Variants in MYT1L observed in about 807,000 individuals in gnomAD.
MYT1L encodes myelin transcription factor 1-like protein.
MYT1L carries 12 observed loss-of-function variants against 126.7 expected under a neutral mutation model. The observed-to-expected ratio is 0.09, with a 90% confidence interval of 0.06 to 0.15. The LOEUF (loss-of-function observed/expected upper bound fraction) is 0.15. Among genes scored for constraint, MYT1L ranks in the 10% least tolerant of loss-of-function variants. The pLI is 1.00. For synonymous variants in MYT1L, 541 were observed against 604.2 expected (o/e 0.90, Z 1.53); for missense variants, 979 against 1,585.2 (o/e 0.62, Z 6.49).
intron 1 of MYT1L, among the ~76,000 whole-genome samples, chr2:2,304,685 CAAAT>C (rs1011200233): frequency 3.9e-5 from 6 of 152,334 alleles, no homozygotes; most frequent in Admixed American, 3.9e-4. Flanking sequence ...AGGCAACACA[CAAAT>C]GAATGGCCAT....
At chr2:1,981,217 T>C (rs774079119) in intron 5 of MYT1L, among the ~76,000 whole-genome samples, 1 of 152,202 alleles carries the variant, frequency 6.6e-6, no homozygotes, top group Non-Finnish European at 1.5e-5. Flanking sequence ...ATGAGTATTA[T>C]GGTATCGGGG....
chr2:1,912,052 C>G lies in MYT1L; in HGVS notation c.1677G>C (p.Gly559=). 2 of 1,598,918 alleles carry G rather than the reference C, an allele frequency of 1.3e-6. No individual in the cohort carries two copies. Among genetic ancestry groups the G allele is most frequent in the Non-Finnish European group, 1.7e-6 (2 of 1,169,906 alleles). The change falls in exon 12 of 25, where the codon GGG becomes GGC. Residue 559 remains glycine (G), a synonymous_variant. Transcript: ENST00000647738. This position sits in a 1 kb window ranked among gnomAD's most constrained non-coding sequence, Gnocchi z 4.3. ...GGGAGTTCCTGTTGCTGTTGACATG[C>G]CCGCGCCCCGTGCAGCCCGGAGTGG... ...KCPTPGCTGR[G]HVNSNRNSHR...
rs71276816 is a variant in MYT1L at position 1,934,307 on chromosome 2, T to TATATATATACAC, written c.505+8674_505+8675insGTGTATATATAT. Among the ~76,000 whole-genome samples the TATATATATACAC allele has an allele frequency of 7.0e-4, 92 of 131,224 alleles. 1 individual carries two copies. The highest frequency in any genetic ancestry group is 2.4e-3 in the East Asian group (9 of 3,678). The allele number at this position is 131,224 out of a possible 152,430, so 86.1% of individuals were successfully genotyped here. On this transcript the variant is annotated intron_variant, in intron 9 of 24. Transcript: ENST00000647738. ...TTTTTATAACATATATATATATATA[T>TATATATATACAC]ACAACCTCATATATGTAATTTATAG...
chr2:2,126,895 A>C (rs187147057), intron 3 of MYT1L, among the ~76,000 whole-genome samples: 1 of 152,302 alleles, frequency 6.6e-6, no homozygotes, highest in African/African-American at 2.4e-5. Context: ...ACCAGCATAC[A>C]CTGCTGCTCC....
chr2:2,294,251 C>T (rs1284358159), intron 1 of MYT1L, among the ~76,000 whole-genome samples: 1 of 152,184 alleles, frequency 6.6e-6, no homozygotes, highest in African/African-American at 2.4e-5. Context: ...AACAACTGGC[C>T]ATCTGAGGGG....
At chr2:1,816,413 T>C (rs2037646960) in intron 21 of MYT1L, 1 of 152,608 alleles carries the variant, frequency 6.6e-6, no homozygotes, top group Admixed American at 6.5e-5. Context: ...CCCAGAAGCT[T>C]TGGGCCCCGG....
intron 2 of MYT1L, among the ~76,000 whole-genome samples, chr2:2,246,794 G>T (rs996126263): frequency 6.6e-6 from 1 of 152,256 alleles, no homozygotes; most frequent in Admixed American, 6.5e-5. Context: ...ATCACTTATT[G>T]GGAGCCTAAG....
At chr2:2,019,052 T>C (rs1258263762) in intron 4 of MYT1L, among the ~76,000 whole-genome samples, 1 of 152,150 alleles carries the variant, frequency 6.6e-6, no homozygotes, top group Non-Finnish European at 1.5e-5. Context: ...TCTCCATTTC[T>C]CACAAAAAGA....
chr2:2,000,811 T>A (rs1041181489), intron 4 of MYT1L, among the ~76,000 whole-genome samples: 14 of 152,204 alleles, frequency 9.2e-5, no homozygotes, highest in African/African-American at 2.9e-4. Flanking sequence ...ACTAAGGGGA[T>A]AATGATCTCA....
intron 21 of MYT1L, among the ~76,000 whole-genome samples, chr2:1,815,849 G>A (rs2037541296): frequency 6.6e-6 from 1 of 152,152 alleles, no homozygotes; most frequent in Admixed American, 6.5e-5. Context: ...GGCTTTTCCT[G>A]CATTCAAACC....
Position 2,331,109 on chromosome 2 carries a change from C to A in MYT1L, c.-663G>T, listed in dbSNP as rs193157686. ...ATGAGACACATGCATGCCACCAAGACGCAGAAAAGGTGGCTTTTTGTCTTC... is the reference window on the plus strand; with the variant it reads ...ATGAGACACATGCATGCCACCAAGAAGCAGAAAAGGTGGCTTTTTGTCTTC... On this transcript the variant is annotated 5_prime_UTR_variant, in exon 1 of 25. Transcript: ENST00000647738. 1.1e-3 allele frequency: 161 copies of A among 152,124 alleles called. No homozygotes were observed. The highest frequency in any genetic ancestry group is 3.7e-3 in the African/African-American group (152 of 41,494). 9.4% of individuals were successfully genotyped at this position (152,124 alleles called of 1,614,324 possible).
At chr2:1,858,567 G>C (rs2044197329) in intron 18 of MYT1L, among the ~76,000 whole-genome samples, 1 of 152,198 alleles carries the variant, frequency 6.6e-6, no homozygotes, top group African/African-American at 2.4e-5. Flanking sequence ...TGGTAGCAGG[G>C]ACAGGAGCCC....
chr2:2,177,863 A>C (rs1414904729), intron 2 of MYT1L, among the ~76,000 whole-genome samples: 1 of 152,156 alleles, frequency 6.6e-6, no homozygotes, highest in Non-Finnish European at 1.5e-5. Context: ...ACAGAGCCTA[A>C]TCATATAATA....
intron 13 of MYT1L, among the ~76,000 whole-genome samples, chr2:1,906,417 T>G (rs2051066526): frequency 6.6e-6 from 1 of 152,186 alleles, no homozygotes; most frequent in Non-Finnish European, 1.5e-5. Context: ...TAGGCATCCA[T>G]GTAGATAATG....
chr2:1,850,226 T>TCCTA (rs1371435328), intron 19 of MYT1L, among the ~76,000 whole-genome samples: 2 of 114,806 alleles, frequency 1.7e-5, no homozygotes, highest in Non-Finnish European at 3.6e-5. Context: ...CTTCCTTCCT[T>TCCTA]CCTTCCTTCC....
chr2:1,813,647 C>T (rs1572470777), intron 21 of MYT1L, among the ~76,000 whole-genome samples: 1 of 152,070 alleles, frequency 6.6e-6, no homozygotes, highest in African/African-American at 2.4e-5. Flanking sequence ...CGAGGGGGTC[C>T]GGGCTGCGGG....
In MYT1L at chr2:2,097,566, G is replaced by A. The variant is rs142133673; in HGVS notation, c.-303-43443C>T. ...GTACAGAGCTGTGGAGTTGACAGAG[G>A]GTTTTTACACAGTGGAAACTCCACC... On this transcript the variant is annotated intron_variant, in intron 3 of 24. Coordinates refer to ENST00000647738, the MANE Select transcript of MYT1L (RefSeq NM_001303052.2). 2.1e-3 allele frequency among the ~76,000 whole-genome samples: 314 copies of A among 152,218 alleles called. 1 individual carries two copies. Among genetic ancestry groups the A allele is most frequent in the South Asian group, 4.2e-3 (20 of 4,816 alleles).
intron 2 of MYT1L, among the ~76,000 whole-genome samples, chr2:2,252,286 A>G (rs190925917): frequency 1.0e-3 from 152 of 152,248 alleles, no homozygotes; most frequent in Non-Finnish European, 1.8e-3. Flanking sequence ...ATTCCCCCTG[A>G]ATACCAGCCC....
chr2:2,041,574 T>C (rs914587863), intron 4 of MYT1L, among the ~76,000 whole-genome samples: 1 of 152,230 alleles, frequency 6.6e-6, no homozygotes, highest in Non-Finnish European at 1.5e-5. Context: ...CAGCTCCTCA[T>C]GCTTCTGGGG....
Sources: gnomAD v4.1 joint callset for allele counts (sites outside exome capture counted in the v4.1 genomes callset) on GRCh38, gnomAD v4.1.1 for gene constraint, Gnocchi (gnomAD v3.1) non-coding constraint, MANE v1.5 for transcripts, NCBI Gene and HGNC (gene_info 2026-07-23, HGNC 2026-07-21) for gene names.